The following ASPSCR1 variants were observed in gnomAD, a reference collection of about 807,000 sequenced individuals.
The protein encoded by ASPSCR1 is ASPSCR1 tether for SLC2A4, UBX domain containing, also known as tether containing UBX domain for GLUT4.
ASPSCR1 carries 55 observed loss-of-function variants against 68.9 expected under a neutral mutation model. The observed-to-expected ratio is 0.80, with a 90% confidence interval of 0.64 to 1.00. The LOEUF is 1.00. Ranked by LOEUF, ASPSCR1 falls within the 50% of genes least tolerant of loss-of-function variation. The pLI is 0.00. For synonymous variants in ASPSCR1, 352 were observed against 332.6 expected (o/e 1.06, Z -0.63); for missense variants, 765 against 762.2 (o/e 1.00, Z -0.04).
At chr17:82,016,708 CT>C (rs2043139954) in intron 13 of ASPSCR1, 91 bp from the exon 14 acceptor site, 2 of 1,491,276 alleles carry the variant, frequency 1.3e-6, no homozygotes, top group Non-Finnish European at 1.8e-6. Context: ...GGCCACCCCC[CT>C]CCCAGAGCTG....
intron 3 of ASPSCR1, among the ~76,000 whole-genome samples, chr17:81,985,201 C>T (rs1193694669): frequency 6.6e-6 from 1 of 150,420 alleles, no homozygotes; most frequent in African/African-American, 2.4e-5. Flanking sequence ...CACATCCACA[C>T]ACATACCTGC....
Position 81,983,542 on chromosome 17 carries a change from T to G in ASPSCR1, c.159-12T>G. On this transcript the variant is annotated splice_polypyrimidine_tract_variant and intron_variant, in intron 2 of 15. Transcript: ENST00000306739. This position sits in a 1 kb window ranked among gnomAD's most constrained non-coding sequence, Gnocchi z 4.4. Reference sequence around the variant, plus strand: ...CTGCAGGGCAGCAAGTGTGCTCTGGTCTGTCTTGCAGGTTTCAGAGGAGCG... The same window carrying G: ...CTGCAGGGCAGCAAGTGTGCTCTGGGCTGTCTTGCAGGTTTCAGAGGAGCG... 1.3e-6 allele frequency: 2 copies of G among 1,599,992 alleles called. No homozygotes were observed. Among genetic ancestry groups the G allele is most frequent in the Non-Finnish European group, 1.7e-6 (2 of 1,170,154 alleles).
chr17:81,977,709 C>G lies in ASPSCR1; in HGVS notation c.63C>G (p.Arg21=), dbSNP rs1415806798. ...AVSVLAPNGR[R]HTVKVTPSTV... ...CGGTGCTGGCCCCGAACGGCCGGCG[C>G]CACACGGTGAAGGTGACGCCGAGCA... Residue 21 remains arginine (R), a synonymous_variant, in exon 1 of 16, where the codon CGC becomes CGG. Transcript: ENST00000306739. The surrounding 1 kb of genome is among the most constrained non-coding windows in gnomAD (Gnocchi z 5.0). The G allele has an allele frequency of 1.2e-5, 16 of 1,353,900 alleles. No homozygotes were observed. Among genetic ancestry groups the G allele is most frequent in the Admixed American group, 3.2e-5 (1 of 31,652 alleles). The allele number at this position is 1,353,900 out of a possible 1,614,324, so 83.9% of individuals were successfully genotyped here.
chr17:82,000,285 G>A (rs942621544), intron 7 of ASPSCR1, among the ~76,000 whole-genome samples: 4 of 152,232 alleles, frequency 2.6e-5, no homozygotes, highest in Admixed American at 1.3e-4. Context: ...AGTAGTGCCC[G>A]CCCGTGCTCG....
At chr17:81,991,064 G>A (rs1012607904) in intron 4 of ASPSCR1, among the ~76,000 whole-genome samples, 8 of 152,154 alleles carry the variant, frequency 5.3e-5, no homozygotes, top group Non-Finnish European at 7.4e-5. Flanking sequence ...GAGACCTGCC[G>A]TGGAACGATG....
At chr17:81,981,772 G>A (rs1218867506) in intron 2 of ASPSCR1, among the ~76,000 whole-genome samples, 2 of 150,554 alleles carry the variant, frequency 1.3e-5, no homozygotes, top group Non-Finnish European at 3.0e-5. Context: ...GGGTTCAAGC[G>A]ATTATTGTGC....
intron 3 of ASPSCR1, among the ~76,000 whole-genome samples, 196 bp from the exon 4 acceptor site, chr17:81,985,311 T>C (rs1414630124): frequency 6.6e-6 from 1 of 152,182 alleles, no homozygotes; most frequent in African/African-American, 2.4e-5. Context: ...CGCATGCTGG[T>C]GCAGCCCTGC....
Position 81,990,449 on chromosome 17 carries a change from G to A in ASPSCR1, c.375-4372G>A, listed in dbSNP as rs2042123732. 1.3e-5 allele frequency among the ~76,000 whole-genome samples: 2 copies of A among 152,294 alleles called. No homozygotes were observed. The highest frequency in any genetic ancestry group is 4.1e-4 in the South Asian group (2 of 4,822). ...GGTGTGAACAGCCACGCCGAGCTCTGGGGGACACTGCTCTCCGCCTGCCTG... is the reference window on the plus strand; with the variant it reads ...GGTGTGAACAGCCACGCCGAGCTCTAGGGGACACTGCTCTCCGCCTGCCTG... On this transcript the variant is annotated intron_variant, in intron 4 of 15. Coordinates refer to ENST00000306739, the MANE Select transcript of ASPSCR1 (RefSeq NM_024083.4). This position sits in a 1 kb window ranked among gnomAD's most constrained non-coding sequence, Gnocchi z 4.1.
chr17:81,993,374 T>C (rs936462340), intron 4 of ASPSCR1, among the ~76,000 whole-genome samples: 25 of 152,056 alleles, frequency 1.6e-4, no homozygotes, highest in Middle Eastern at 3.4e-3. Context: ...CCACCACGCC[T>C]GGCTAATTTT....
chr17:81,996,026 T>C lies in ASPSCR1; in HGVS notation c.467T>C (p.Leu156Pro). ...GAAGCTGCCCTGCGGGGCACGACGC[T>C]GCAGTCGCTGGGCCTGACCGGGGGC... ...TGEAALRGTT[L>P]QSLGLTGGSA... Residue 156 changes from leucine to proline, a missense_variant, in exon 6 of 16, where the codon CTG becomes CCG. By Grantham distance (98) the Leu-to-Pro change is moderately conservative. Transcript: ENST00000306739. 6.2e-7 allele frequency: 1 copy of C among 1,610,556 alleles called. No individual in the cohort carries two copies. The highest frequency in any genetic ancestry group is 1.1e-5 in the South Asian group (1 of 90,568).
intron 4 of ASPSCR1, among the ~76,000 whole-genome samples, chr17:81,989,297 C>T (rs375972930): frequency 6.6e-6 from 1 of 152,192 alleles, no homozygotes; most frequent in Non-Finnish European, 1.5e-5. Context: ...AGGATATGGA[C>T]GAGGTTTCAT....
rs745374119 is a variant in ASPSCR1 at position 82,015,219 on chromosome 17, A to G, written c.1354-1257A>G. The stretch of plus-strand genomic sequence containing the variant: ...GAGGCTTCTTTTTTGGGGTCCATCC[A>G]GAGGCCGAGCCTCTCCAAGCACTGG... On this transcript the variant is annotated intron_variant, in intron 12 of 15. Transcript: ENST00000306739. 5 of 1,598,168 alleles carry G rather than the reference A, an allele frequency of 3.1e-6. No homozygotes were observed. The Admixed American group carries it at 5.0e-5, about 16-fold the overall frequency.
At position 81,983,608 on chromosome 17, in the gene ASPSCR1, C is replaced by T; in HGVS notation, c.213C>T (p.Pro71=). ...LSLQWRFANL[P]NNAKLEMVPA... The stretch of plus-strand genomic sequence containing the variant: ...TCCAGTGGAGATTTGCCAACCTGCC[C>T]AACAATGCCAAGCTGGAGATGGTGC... Residue 71 remains proline, a synonymous_variant, in exon 3 of 16, where the codon CCC becomes CCT. Transcript: ENST00000306739. The surrounding 1 kb of genome is among the most constrained non-coding windows in gnomAD (Gnocchi z 4.4). The T allele has an allele frequency of 1.9e-6, 3 of 1,613,438 alleles. No individual in the cohort carries two copies. The highest frequency in any genetic ancestry group is 2.5e-6 in the Non-Finnish European group (3 of 1,179,902).
chr17:81,985,018 C>T (rs538200830), intron 3 of ASPSCR1, among the ~76,000 whole-genome samples: 75 of 128,368 alleles, frequency 5.8e-4, no homozygotes, highest in African/African-American at 1.9e-3. Context: ...CTGCACACAC[C>T]GCCCACACCA....
At chr17:82,012,415 G>GGTGGGGCC (rs2042981652) in intron 12 of ASPSCR1, 132 bp downstream of exon 12, 1 of 1,113,204 alleles carries the variant, frequency 9.0e-7, no homozygotes, top group Admixed American at 2.2e-5. Flanking sequence ...TTTGAGAGCC[G>GGTGGGGCC]GTGGGTTCCG....
chr17:82,011,284 CGCTTAG>C (rs1567991825), intron 10 of ASPSCR1, among the ~76,000 whole-genome samples: 1 of 113,852 alleles, frequency 8.8e-6, no homozygotes, highest in Non-Finnish European at 1.7e-5. Context: ...GAAAGGGAAG[CGCTTAG>C]GCTGGGGCGG....
At chr17:82,012,336 A>G in intron 12 of ASPSCR1, 53 bp downstream of exon 12, 1 of 1,567,368 alleles carries the variant, frequency 6.4e-7, no homozygotes. Context: ...CAGGGAGGGC[A>G]GGACGAGAGC....
chr17:81,981,897 C>T (rs1191221134), intron 2 of ASPSCR1, among the ~76,000 whole-genome samples: 1 of 152,202 alleles, frequency 6.6e-6, no homozygotes. Context: ...AACTCCTGAC[C>T]TCAAGTGATC....
intron 12 of ASPSCR1, chr17:82,014,621 G>C (rs893708398): frequency 1.7e-5 from 3 of 173,546 alleles, no homozygotes; most frequent in African/African-American, 7.2e-5. Flanking sequence ...CTCCCTCCCG[G>C]GCGTCTTGAG....
Sources: allele counts gnomAD v4.1 joint callset (sites outside exome capture counted in the v4.1 genomes callset), GRCh38; gene constraint gnomAD v4.1.1; non-coding constraint Gnocchi (gnomAD v3.1); transcripts MANE v1.5; gene names NCBI Gene and HGNC (gene_info 2026-07-23, HGNC 2026-07-21).